Variants in PRLR observed in about 807,000 individuals in gnomAD.
PRLR encodes prolactin receptor.
In PRLR, 13 loss-of-function variants were observed where a neutral mutation model predicts 40.2. The ratio of observed to expected loss-of-function variants is 0.32; its 90% confidence interval spans 0.21 to 0.51. The LOEUF is 0.51. Among genes scored for constraint, PRLR ranks in the 20% least tolerant of loss-of-function variants. The pLI is 0.97. For missense variants in PRLR, 656 were observed against 747.3 expected (o/e 0.88, Z 1.42); for synonymous variants, 269 against 278.7 (o/e 0.97, Z 0.35).
intron 1 of PRLR, among the ~76,000 whole-genome samples, chr5:35,124,461 G>A (rs953746975): frequency 2.6e-5 from 4 of 152,132 alleles, no homozygotes; most frequent in East Asian, 1.9e-4. Context: ...TTTCAACTCC[G>A]AAATGCTATG....
intron 1 of PRLR, among the ~76,000 whole-genome samples, chr5:35,162,234 T>C (rs1774694696): frequency 1.3e-5 from 2 of 152,220 alleles, no homozygotes; most frequent in Non-Finnish European, 2.9e-5. Context: ...CAAGAAAATC[T>C]ATCTATCTTA....
chr5:35,105,007 C>G (rs1330669425), intron 2 of PRLR, among the ~76,000 whole-genome samples: 4 of 152,156 alleles, frequency 2.6e-5, no homozygotes, highest in Non-Finnish European at 5.9e-5. Flanking sequence ...CGCAGGTGCC[C>G]CTCTGAGACG....
chr5:35,151,002 A>T (rs1319561003), intron 1 of PRLR, among the ~76,000 whole-genome samples: 2 of 152,180 alleles, frequency 1.3e-5, no homozygotes, highest in Non-Finnish European at 2.9e-5. Context: ...TGATTTGATA[A>T]AGGGCAAAAA....
intron 1 of PRLR, among the ~76,000 whole-genome samples, chr5:35,216,271 C>CACTACTAAAATGCAAATTCTGG (rs57995964): frequency 3.9e-5 from 6 of 152,026 alleles, no homozygotes; most frequent in Non-Finnish European, 5.9e-5. Context: ...GAGGTTGAAC[C>CACTACTAAAATGCAAATTCTGG]AAGTGCTCAT....
chr5:35,177,981 G>A (rs907812240), intron 1 of PRLR, among the ~76,000 whole-genome samples: 2 of 151,322 alleles, frequency 1.3e-5, no homozygotes, highest in Admixed American at 6.6e-5. Context: ...GTTATTGCCT[G>A]TCTTTTTTTT....
intron 1 of PRLR, among the ~76,000 whole-genome samples, chr5:35,205,418 A>G (rs1485961849): frequency 6.6e-6 from 1 of 152,216 alleles, no homozygotes; most frequent in African/African-American, 2.4e-5. Context: ...GTTGGCAACA[A>G]AACCAAATTG....
intron 1 of PRLR, among the ~76,000 whole-genome samples, chr5:35,147,169 C>G (rs1774205682): frequency 6.6e-6 from 1 of 152,180 alleles, no homozygotes; most frequent in South Asian, 2.1e-4. Context: ...AAATATCAAA[C>G]CAGCCAGAAA....
intron 5 of PRLR, among the ~76,000 whole-genome samples, chr5:35,080,507 A>C (rs1770437218): frequency 6.6e-6 from 1 of 152,334 alleles, no homozygotes; most frequent in South Asian, 2.1e-4. Context: ...ATCTCACACC[A>C]GTTAGAATGG....
intron 1 of PRLR, among the ~76,000 whole-genome samples, chr5:35,132,414 T>TA (rs1250149372): frequency 6.6e-6 from 1 of 152,146 alleles, no homozygotes; most frequent in Non-Finnish European, 1.5e-5. Flanking sequence ...TTATTTTATT[T>TA]AAAAAAATCC....
At chr5:35,215,134 C>T (rs1776254902) in intron 1 of PRLR, among the ~76,000 whole-genome samples, 1 of 152,196 alleles carries the variant, frequency 6.6e-6, no homozygotes, top group Non-Finnish European at 1.5e-5. Flanking sequence ...AAAAAGTCAT[C>T]TTCCTTGCCC....
intron 1 of PRLR, among the ~76,000 whole-genome samples, chr5:35,199,331 G>A (rs9292573): frequency 0.58 from 87,491 of 151,968 alleles, 26,251 homozygotes; most frequent in Non-Finnish European, 0.67. Context: ...ATGTGGAAGC[G>A]GTTAGATTGT....
At chr5:35,129,633 C>T (rs1311559470) in intron 1 of PRLR, among the ~76,000 whole-genome samples, 1 of 152,080 alleles carries the variant, frequency 6.6e-6, no homozygotes, top group African/African-American at 2.4e-5. Flanking sequence ...TCAGAAACAT[C>T]ACCACTGTAG....
Position 35,061,113 on chromosome 5 carries a change from T to C in PRLR, c.*3976A>G, listed in dbSNP as rs903294298. 4 of 152,034 alleles carry C rather than the reference T, an allele frequency of 2.6e-5. No individual in the cohort carries two copies. Among genetic ancestry groups the C allele is most frequent in the African/African-American group, 9.7e-5 (4 of 41,344 alleles). The allele number at this position is 152,034 out of a possible 1,614,324, so 9.4% of individuals were successfully genotyped here. On this transcript the variant is annotated 3_prime_UTR_variant, in exon 10 of 10. Coordinates refer to ENST00000618457, the MANE Select transcript of PRLR (RefSeq NM_000949.7). ...TCATCTCTCCATTCATACATATCTA[T>C]ATCTATATCTATATATATATATAAT...
rs192446288 is a variant in PRLR at position 35,192,793 on chromosome 5, T to A, written c.-106+37475A>T. 2.9e-3 allele frequency among the ~76,000 whole-genome samples: 445 copies of A among 152,338 alleles called. 5 individuals carry two copies. The highest frequency in any genetic ancestry group is 0.026 in the Admixed American group (391 of 15,302). On this transcript the variant is annotated intron_variant, in intron 1 of 9. Coordinates refer to ENST00000618457, the MANE Select transcript of PRLR (RefSeq NM_000949.7). ...TATCTTTCACATAGAAAGTTTTGGA[T>A]ACGGAAAGCTTAATGGTAGGAATTC...
At chr5:35,117,495 G>A (rs147480014) in intron 2 of PRLR, among the ~76,000 whole-genome samples, 10 of 152,248 alleles carry the variant, frequency 6.6e-5, no homozygotes, top group East Asian at 1.9e-4. Flanking sequence ...AAATGGAGTC[G>A]TAATACTTCA....
At chr5:35,226,289 T>C (rs1337604937) in intron 1 of PRLR, among the ~76,000 whole-genome samples, 2 of 152,236 alleles carry the variant, frequency 1.3e-5, no homozygotes, top group Non-Finnish European at 2.9e-5. Context: ...AGTTGTGGGC[T>C]TTGGAGTGAA....
rs1473140368 is a variant in PRLR at position 35,070,114 on chromosome 5, A to G, written c.685+10T>C. On this transcript the variant is annotated intron_variant, in intron 7 of 9. Coordinates refer to ENST00000618457, the MANE Select transcript of PRLR (RefSeq NM_000949.7). Reference sequence around the variant, plus strand: ...TAGGGACATAAGCAAAAAAGAGCCAAGACGCTCACCACTAGGTATCTGAAT... The same window carrying G: ...TAGGGACATAAGCAAAAAAGAGCCAGGACGCTCACCACTAGGTATCTGAAT... 6.3e-7 allele frequency: 1 copy of G among 1,594,502 alleles called. No homozygotes were observed. The highest frequency in any genetic ancestry group is 1.2e-5 in the South Asian group (1 of 86,642).
Position 35,089,650 on chromosome 5 carries a change from G to GT in PRLR, c.-31dup, listed in dbSNP as rs1322862563. On this transcript the variant is annotated 5_prime_UTR_variant, in exon 3 of 10. Coordinates refer to ENST00000618457, the MANE Select transcript of PRLR (RefSeq NM_000949.7). ...GCTGCCTTCTCTTGCTGCAGGAAAT[G>GT]TATCAGAAGTTCACTGGAAGAGAAG... 1 of 1,612,828 alleles carries GT rather than the reference G, an allele frequency of 6.2e-7. No individual in the cohort carries two copies. Among genetic ancestry groups the GT allele is most frequent in the African/African-American group, 1.3e-5 (1 of 75,030 alleles).
At chr5:35,129,490 G>T (rs574122953) in intron 1 of PRLR, among the ~76,000 whole-genome samples, 1 of 152,070 alleles carries the variant, frequency 6.6e-6, no homozygotes, top group Non-Finnish European at 1.5e-5. Context: ...ACAAAGTTGG[G>T]AGGATTTACA....
Sources: allele counts gnomAD v4.1 joint callset (sites outside exome capture counted in the v4.1 genomes callset), GRCh38; gene constraint gnomAD v4.1.1; transcripts MANE v1.5; gene names NCBI Gene and HGNC (gene_info 2026-07-23, HGNC 2026-07-21).